Variants in ADGRF4 observed in about 807,000 individuals in gnomAD.
ADGRF4 encodes the protein adhesion G protein-coupled receptor F4, also known as G-protein coupled receptor PGR18.
ADGRF4 carries 63 observed loss-of-function variants against 58.5 expected under a neutral mutation model. The observed-to-expected ratio is 1.08, with a 90% CI of 0.88 to 1.33. The LOEUF (loss-of-function observed/expected upper bound fraction) is 1.33, where lower values mean the gene tolerates loss of function less well. Ranked by LOEUF, ADGRF4 falls within the 40% of genes most tolerant of loss-of-function variation. The pLI, the probability that ADGRF4 is intolerant of heterozygous loss-of-function variation, is 0.00. For synonymous variants in ADGRF4, 313 were observed against 295.4 expected (o/e 1.06, Z -0.61); for missense variants, 931 against 843.9 (o/e 1.10, Z -1.28).
intron 6 of ADGRF4, among the ~76,000 whole-genome samples, chr6:47,715,902 A>G (rs1772003150): frequency 6.6e-6 from 1 of 152,164 alleles, no homozygotes; most frequent in Non-Finnish European, 1.5e-5. Flanking sequence ...TATCTTACCC[A>G]TAATTCTGTA....
At position 47,710,897 on chromosome 6, in the gene ADGRF4, C is replaced by A; in HGVS notation, c.300+11C>A. 6.2e-7 allele frequency: 1 copy of A among 1,608,110 alleles called. No homozygotes were observed. Among genetic ancestry groups the A allele is most frequent in the South Asian group, 1.1e-5 (1 of 89,794 alleles). The stretch of plus-strand genomic sequence containing the variant: ...GAAAAACTCTTTAAGGTGATGCATT[C>A]ACAAATTATTGGTGACAGAAGCCAA... On this transcript the variant is annotated intron_variant, in intron 4 of 9. Transcript: ENST00000283303.
chr6:47,706,811 C>G (rs139406846), intron 1 of ADGRF4, among the ~76,000 whole-genome samples: 2 of 152,160 alleles, frequency 1.3e-5, no homozygotes, highest in East Asian at 3.9e-4. Flanking sequence ...CTTATTTTCC[C>G]CAATGATAAA....
At chr6:47,704,440 A>T (rs1771659305) in intron 1 of ADGRF4, among the ~76,000 whole-genome samples, 1 of 152,208 alleles carries the variant, frequency 6.6e-6, no homozygotes, top group Non-Finnish European at 1.5e-5. Context: ...TGCCTTCAGC[A>T]TCGGTCCTAT....
At chr6:47,713,717 T>C (rs1771926916) in intron 5 of ADGRF4, 81 bp from the exon 6 acceptor site, 1 of 1,156,368 alleles carries the variant, frequency 8.6e-7, no homozygotes, top group East Asian at 2.5e-5. Context: ...ACCTGATCTT[T>C]AGAAATTTCA....
intron 8 of ADGRF4, 57 bp downstream of exon 8, chr6:47,717,408 C>A: frequency 2.7e-6 from 3 of 1,115,866 alleles, no homozygotes; most frequent in Non-Finnish European, 4.1e-6. Flanking sequence ...GCCGGTTATG[C>A]AGAGACAAAT....
intron 4 of ADGRF4, among the ~76,000 whole-genome samples, chr6:47,711,766 A>C (rs1771878124): frequency 6.6e-6 from 1 of 152,190 alleles, no homozygotes; most frequent in African/African-American, 2.4e-5. Flanking sequence ...CTAAAATTTT[A>C]ACAGTGGTTT....
chr6:47,714,486 T>C lies in ADGRF4; in HGVS notation c.1241T>C (p.Leu414Pro). ...TGCATTGGGCTCAGCGTCTCAATCC[T>C]AAGCTTGGTTCTTTGCCTGATCATT... The part of the protein sequence containing the change: ...ITCIGLSVSI[L>P]SLVLCLIIEA... The change falls in exon 6 of 10, where the codon CTA (leucine) becomes CCA (proline). Residue 414 changes from leucine to proline, a missense_variant. Leu to Pro is a moderately conservative substitution (Grantham distance 98). Transcript: ENST00000283303. 2 of 1,614,156 alleles carry C rather than the reference T, an allele frequency of 1.2e-6. No individual in the cohort carries two copies. Among genetic ancestry groups the C allele is most frequent in the Non-Finnish European group, 1.7e-6 (2 of 1,180,014 alleles).
intron 1 of ADGRF4, among the ~76,000 whole-genome samples, chr6:47,701,170 TC>T (rs1204073588): frequency 6.6e-6 from 1 of 152,264 alleles, no homozygotes; most frequent in Non-Finnish European, 1.5e-5. Context: ...AATGTTATTT[TC>T]TTTGTAATGA....
In ADGRF4 at chr6:47,708,224, G is replaced by C; in HGVS notation, c.94G>C (p.Ala32Pro). The change falls in exon 3 of 10, where the codon GCT becomes CCT. Residue 32 changes from alanine (A) to proline (P), a missense_variant and splice_region_variant. Transcript: ENST00000283303. Reference sequence around the variant, plus strand: ...ACCATTGGGAATTTATATTTTTCAGGCTGGAGATAAACTTCAAAGCCCTGA... The same window carrying C: ...ACCATTGGGAATTTATATTTTTCAGCCTGGAGATAAACTTCAAAGCCCTGA... Reference protein sequence around the residue: ...SHYRSKIHLKAGDKLQSPEGK... With the variant: ...SHYRSKIHLKPGDKLQSPEGK... 6.2e-7 allele frequency: 1 copy of C among 1,611,132 alleles called. No homozygotes were observed. The highest frequency in any genetic ancestry group is 1.1e-5 in the South Asian group (1 of 91,018).
chr6:47,719,465 C>T lies in ADGRF4; in HGVS notation c.*3+1020C>T, dbSNP rs577673532. ...CTTTACAAAAGTTGACCCTTCTGCT[C>T]GCTGCCCATTTCCTAGTCTGTCAGC... On this transcript the variant is annotated intron_variant, in intron 9 of 9. Coordinates refer to ENST00000283303, the MANE Select transcript of ADGRF4 (RefSeq NM_153838.5). Among the ~76,000 whole-genome samples the T allele has an allele frequency of 7.2e-5, 11 of 152,300 alleles. No homozygotes were observed. The South Asian group carries it at 1.2e-3, about 17-fold the overall frequency.
chr6:47,706,765 G>A (rs1410045705), intron 1 of ADGRF4, among the ~76,000 whole-genome samples: 2 of 152,184 alleles, frequency 1.3e-5, no homozygotes, highest in Admixed American at 6.5e-5. Flanking sequence ...TTTTATCAGA[G>A]TGATGTTGGG....
intron 1 of ADGRF4, among the ~76,000 whole-genome samples, chr6:47,705,072 A>G (rs9395314): frequency 0.95 from 144,104 of 152,190 alleles, 68,713 homozygotes; most frequent in East Asian, 1. Flanking sequence ...GGGACTACAG[A>G]CGCCTGCCAC....
chr6:47,717,339 G>C lies in ADGRF4; in HGVS notation c.2022G>C (p.Ser674=), dbSNP rs116575459. 1.4e-3 allele frequency: 2,259 copies of C among 1,610,090 alleles called. 21 individuals carry two copies. Among genetic ancestry groups the C allele is most frequent in the African/African-American group, 0.014 (1,016 of 74,930 alleles). The stretch of plus-strand genomic sequence containing the variant: ...GGATGTCTTCACTGAAGGGGAAATC[G>C]AGGGCAGCTGAGGTAAGCCTTCCCC... ...RMRMSSLKGK[S]RAAENASLGP... Residue 674 remains serine, a synonymous_variant, in exon 8 of 10, where the codon TCG becomes TCC. Transcript: ENST00000283303.
chr6:47,701,327 C>T (rs1269867880), intron 1 of ADGRF4, among the ~76,000 whole-genome samples: 2 of 152,088 alleles, frequency 1.3e-5, no homozygotes, highest in African/African-American at 4.8e-5. Context: ...TAATCATGCA[C>T]AGAAAGAGGC....
chr6:47,720,274 C>T (rs1449542298), intron 9 of ADGRF4, among the ~76,000 whole-genome samples: 1 of 152,116 alleles, frequency 6.6e-6, no homozygotes, highest in Non-Finnish European at 1.5e-5. Flanking sequence ...TGGTAAGCAC[C>T]AGGAGAGGTG....
At chr6:47,705,986 T>C (rs1285563876) in intron 1 of ADGRF4, among the ~76,000 whole-genome samples, 1 of 152,228 alleles carries the variant, frequency 6.6e-6, no homozygotes, top group Admixed American at 6.5e-5. Context: ...TGAGTGACAC[T>C]TGGTAAATGT....
In ADGRF4 at chr6:47,714,644, G is replaced by C; in HGVS notation, c.1399G>C (p.Ala467Pro). 1 of 1,614,122 alleles carries C rather than the reference G, an allele frequency of 6.2e-7. No individual in the cohort carries two copies. Among genetic ancestry groups the C allele is most frequent in the Non-Finnish European group, 8.5e-7 (1 of 1,180,022 alleles). The change falls in exon 6 of 10, where the codon GCC becomes CCC. Residue 467 changes from alanine to proline, a missense_variant. Transcript: ENST00000283303. ...FIIGSHFNIK[A>P]QDYNMCVAVT... is the part of the protein sequence containing the mutation. ...CATAGGCTCTCACTTTAACATTAAG[G>C]CCCAGGACTACAACATGTGTGTTGC... is the stretch of plus-strand genomic sequence containing the variant.
chr6:47,714,843 C>G lies in ADGRF4; in HGVS notation c.1598C>G (p.Thr533Arg), dbSNP rs1463321365. The part of the protein sequence containing the change: ...YGCPLIIAVT[T>R]VAITEPEKGY... Reference sequence around the variant, plus strand: ...TGCCCATTGATCATTGCTGTCACTACAGTTGCTATCACAGAGCCAGAGAAA... The same window carrying G: ...TGCCCATTGATCATTGCTGTCACTAGAGTTGCTATCACAGAGCCAGAGAAA... The change falls in exon 6 of 10, where the codon ACA (threonine) becomes AGA (arginine). Residue 533 changes from threonine to arginine, a missense_variant. Physicochemically the swap from Thr to Arg is moderately conservative, Grantham distance 71. Coordinates refer to ENST00000283303, the MANE Select transcript of ADGRF4 (RefSeq NM_153838.5). The G allele has an allele frequency of 6.2e-7, 1 of 1,610,576 alleles. No homozygotes were observed. Among genetic ancestry groups the G allele is most frequent in the Admixed American group, 1.7e-5 (1 of 59,986 alleles).
At chr6:47,699,073 T>G (rs1309384741) in intron 1 of ADGRF4, among the ~76,000 whole-genome samples, 1 of 152,224 alleles carries the variant, frequency 6.6e-6, no homozygotes, top group East Asian at 1.9e-4. Flanking sequence ...GCAAATAAAC[T>G]CACTGTCCCT....
Sources: gnomAD v4.1 joint callset for allele counts (sites outside exome capture counted in the v4.1 genomes callset) on GRCh38, gnomAD v4.1.1 for gene constraint, MANE v1.5 for transcripts, NCBI Gene and HGNC (gene_info 2026-07-23, HGNC 2026-07-21) for gene names.